The following LRFN2 variants were observed in gnomAD, a reference collection of about 807,000 sequenced individuals.
LRFN2 encodes leucine rich repeat and fibronectin type III domain containing 2, also known as leucine-rich repeat and fibronectin type-III domain-containing protein 2.
In LRFN2, 18 loss-of-function variants were observed where a neutral mutation model predicts 37.3. The ratio of observed to expected loss-of-function variants is 0.48; its 90% CI spans 0.33 to 0.72. The LOEUF (loss-of-function observed/expected upper bound fraction) is 0.72. Ranked by LOEUF, LRFN2 falls within the 30% of genes least tolerant of loss-of-function variation. The pLI is 0.02. For synonymous variants in LRFN2, 556 were observed against 466.6 expected (o/e 1.19, Z -2.47); for missense variants, 1,006 against 1,060.7 (o/e 0.95, Z 0.72).
chr6:40,559,796 A>G (rs934955787), intron 1 of LRFN2, among the ~76,000 whole-genome samples: 10 of 151,674 alleles, frequency 6.6e-5, no homozygotes, highest in Non-Finnish European at 1.3e-4. Context: ...GCCCCCTCTG[A>G]CTCCCCATCC....
At chr6:40,559,054 G>A (rs7749847) in intron 1 of LRFN2, among the ~76,000 whole-genome samples, 71,944 of 151,740 alleles carry the variant, frequency 0.47, 18,096 homozygotes, top group African/African-American at 0.64. Context: ...TGGATCAAAC[G>A]GAGGGGGCAT....
intron 1 of LRFN2, among the ~76,000 whole-genome samples, chr6:40,455,957 T>C (rs898087234): frequency 6.6e-6 from 1 of 152,144 alleles, no homozygotes; most frequent in Non-Finnish European, 1.5e-5. Flanking sequence ...GTGGGAGAGA[T>C]GTTTCTCTTT....
At chr6:40,556,658 G>GTCTCTCTC (rs60167160) in intron 1 of LRFN2, among the ~76,000 whole-genome samples, 4 of 139,336 alleles carry the variant, frequency 2.9e-5, no homozygotes, top group Non-Finnish European at 4.6e-5. Context: ...TTAGAACCAG[G>GTCTCTCTC]TCTCTCTCTC....
intron 2 of LRFN2, among the ~76,000 whole-genome samples, chr6:40,427,846 G>A (rs1763389964): frequency 6.6e-6 from 1 of 152,080 alleles, no homozygotes; most frequent in African/African-American, 2.4e-5. Flanking sequence ...TGCTCCTTTA[G>A]TCCTTACTCA....
chr6:40,533,113 ATTTTG>A (rs768931161), intron 1 of LRFN2, among the ~76,000 whole-genome samples: 1 of 151,654 alleles, frequency 6.6e-6, no homozygotes, highest in African/African-American at 2.4e-5. Context: ...TGAGTATTTT[ATTTTG>A]TTTTGTTTTC....
At chr6:40,444,413 A>C (rs1231202447) in intron 1 of LRFN2, among the ~76,000 whole-genome samples, 1 of 152,218 alleles carries the variant, frequency 6.6e-6, no homozygotes, top group Non-Finnish European at 1.5e-5. Flanking sequence ...CCTTCTAAAG[A>C]GCTGACAGGC....
intron 1 of LRFN2, among the ~76,000 whole-genome samples, chr6:40,572,374 C>T (rs545865462): frequency 1.3e-5 from 2 of 152,294 alleles, no homozygotes; most frequent in African/African-American, 2.4e-5. Context: ...AGTTCATTAG[C>T]CCCCTGTGTG....
intron 2 of LRFN2, among the ~76,000 whole-genome samples, chr6:40,426,140 A>G (rs918516771): frequency 1.3e-5 from 2 of 152,226 alleles, no homozygotes; most frequent in Admixed American, 6.5e-5. Context: ...AGTGCCCCCA[A>G]CTAGTAAAAG....
chr6:40,435,520 A>C (rs1037564729), intron 1 of LRFN2, among the ~76,000 whole-genome samples: 6 of 149,286 alleles, frequency 4.0e-5, no homozygotes, highest in Non-Finnish European at 5.9e-5. Context: ...TGCAGAAAAA[A>C]CTAGCTTATT....
chr6:40,513,293 G>T (rs747629092), intron 1 of LRFN2, among the ~76,000 whole-genome samples: 50 of 151,782 alleles, frequency 3.3e-4, no homozygotes, highest in African/African-American at 1.0e-3. Flanking sequence ...AAGTGCAGTG[G>T]TGAGATCTTG....
intron 1 of LRFN2, among the ~76,000 whole-genome samples, chr6:40,526,619 C>T (rs1223915192): frequency 6.6e-6 from 1 of 152,170 alleles, no homozygotes; most frequent in Non-Finnish European, 1.5e-5. Flanking sequence ...GAGGGCTAGG[C>T]CAGCTCTTCC....
Position 40,391,825 on chromosome 6 carries a change from G to A in LRFN2, c.*118C>T. On this transcript the variant is annotated 3_prime_UTR_variant, in exon 3 of 3. Transcript: ENST00000338305. The stretch of plus-strand genomic sequence containing the variant: ...GGGGGGACACGAGGCCATTGACAGG[G>A]AGACGAAACTGTCCCTGGATGTAAA... The A allele has an allele frequency of 9.1e-7, 1 of 1,095,264 alleles. No individual in the cohort carries two copies. Among genetic ancestry groups the A allele is most frequent in the Non-Finnish European group, 1.3e-6 (1 of 797,106 alleles). 67.8% of individuals were successfully genotyped at this position (1,095,264 alleles called of 1,614,324 possible).
chr6:40,447,128 T>A (rs1046433052), intron 1 of LRFN2, among the ~76,000 whole-genome samples: 2 of 152,238 alleles, frequency 1.3e-5, no homozygotes, highest in African/African-American at 2.4e-5. Flanking sequence ...GAGTCAGGGC[T>A]GTGTCTCCGC....
intron 2 of LRFN2, among the ~76,000 whole-genome samples, chr6:40,417,055 C>A (rs978315015): frequency 6.6e-6 from 1 of 152,142 alleles, no homozygotes; most frequent in South Asian, 2.1e-4. Flanking sequence ...TCCTTCCAGC[C>A]CCCGGCCCCT....
intron 1 of LRFN2, among the ~76,000 whole-genome samples, chr6:40,441,713 G>T (rs766307728): frequency 2.0e-4 from 31 of 152,134 alleles, no homozygotes; most frequent in Non-Finnish European, 4.0e-4. Context: ...CTGCCTATCA[G>T]CCTCCACTCC....
Position 40,432,088 on chromosome 6 carries a change from G to T in LRFN2, c.1026C>A (p.Gly342=), listed in dbSNP as rs777514237. Residue 342 remains glycine, a synonymous_variant, in exon 2 of 3, where the codon GGC becomes GGA. Coordinates refer to ENST00000338305, the MANE Select transcript of LRFN2 (RefSeq NM_020737.3). The part of the protein sequence containing the change: ...NSSRTAVYDN[G]TLDIFITTSQ... ...ATGTGGTGATGAAGATGTCCAGGGTGCCATTGTCATAGACAGCGGTCCTTG... is the reference window on the plus strand; with the variant it reads ...ATGTGGTGATGAAGATGTCCAGGGTTCCATTGTCATAGACAGCGGTCCTTG... The T allele has an allele frequency of 3.7e-6, 6 of 1,613,982 alleles. No individual in the cohort carries two copies. The East Asian group carries it at 8.9e-5, about 24-fold the overall frequency.
At chr6:40,544,951 AG>A (rs1159897903) in intron 1 of LRFN2, among the ~76,000 whole-genome samples, 7 of 152,316 alleles carry the variant, frequency 4.6e-5, no homozygotes, top group Admixed American at 4.6e-4. Flanking sequence ...GCTGCCAATG[AG>A]GGGAGTGTTG....
chr6:40,416,979 C>CT (rs779352112), intron 2 of LRFN2, among the ~76,000 whole-genome samples: 1 of 152,226 alleles, frequency 6.6e-6, no homozygotes, highest in Non-Finnish European at 1.5e-5. Flanking sequence ...AACCTGGGCG[C>CT]TCCTGCTTTC....
chr6:40,406,565 C>T (rs1762852827), intron 2 of LRFN2, among the ~76,000 whole-genome samples: 1 of 152,162 alleles, frequency 6.6e-6, no homozygotes, highest in African/African-American at 2.4e-5. Flanking sequence ...ATCAGCGCCT[C>T]CATAGCAGGC....
Sources: allele counts gnomAD v4.1 joint callset (sites outside exome capture counted in the v4.1 genomes callset), GRCh38; gene constraint gnomAD v4.1.1; transcripts MANE v1.5; gene names NCBI Gene and HGNC (gene_info 2026-07-23, HGNC 2026-07-21).